ST8SIA2: variants seen among roughly 807,000 people sequenced by gnomAD.
ST8SIA2 encodes ST8 alpha-N-acetyl-neuraminide alpha-2,8-sialyltransferase 2.
Under a neutral mutation model 37.6 loss-of-function variants are expected in ST8SIA2, and 22 were observed. The observed-to-expected ratio is 0.58, with a 90% confidence interval of 0.42 to 0.83. ST8SIA2 has a LOEUF of 0.83. Among genes scored for constraint, ST8SIA2 ranks in the 40% least tolerant of loss-of-function variants. The pLI is 0.00. For synonymous variants in ST8SIA2, 205 were observed against 201.2 expected, an observed-to-expected ratio of 1.02 and a Z score of -0.16; for missense variants, 382 against 484.7, an observed-to-expected ratio of 0.79 and a Z score of 1.99.
intron 1 of ST8SIA2, among the ~76,000 whole-genome samples, chr15:92,406,404 C>T (rs1258211710): frequency 1.3e-5 from 2 of 152,192 alleles, no homozygotes; most frequent in South Asian, 2.1e-4. Flanking sequence ...CCTTGTCACT[C>T]GGTGTGGTCC....
At chr15:92,425,975 A>G (rs2049672790) in intron 1 of ST8SIA2, among the ~76,000 whole-genome samples, 1 of 152,184 alleles carries the variant, frequency 6.6e-6, no homozygotes, top group Admixed American at 6.5e-5. Flanking sequence ...AGCGTCAGAA[A>G]AGCCCCAGAT....
intron 1 of ST8SIA2, among the ~76,000 whole-genome samples, chr15:92,417,303 G>A (rs1313789076): frequency 6.6e-6 from 1 of 152,220 alleles, no homozygotes; most frequent in African/African-American, 2.4e-5. Context: ...AGAGGAAGTG[G>A]CCGTTGCCTT....
chr15:92,405,444 C>A (rs974776423), intron 1 of ST8SIA2, among the ~76,000 whole-genome samples: 1 of 152,196 alleles, frequency 6.6e-6, no homozygotes, highest in Non-Finnish European at 1.5e-5. Context: ...TGCTACTGAA[C>A]CGAACACTTA....
chr15:92,402,725 C>T lies in ST8SIA2; in HGVS notation c.98+8563C>T, dbSNP rs183607546. Among the ~76,000 whole-genome samples, 800 of 152,236 alleles carry T rather than the reference C, an allele frequency of 5.3e-3. 10 individuals carry two copies. The highest frequency in any genetic ancestry group is 0.018 in the African/African-American group (743 of 41,528). ...TCCAAAACACCTTAATGCGGAATGACGGCCAGGGGCACACCGCTCTGCCTC... is the reference window on the plus strand; with the variant it reads ...TCCAAAACACCTTAATGCGGAATGATGGCCAGGGGCACACCGCTCTGCCTC... On this transcript the variant is annotated intron_variant, in intron 1 of 5. Coordinates refer to ENST00000268164, the MANE Select transcript of ST8SIA2 (RefSeq NM_006011.4).
chr15:92,424,963 GA>G (rs1661521206), intron 1 of ST8SIA2, among the ~76,000 whole-genome samples: 1 of 152,166 alleles, frequency 6.6e-6, no homozygotes. Context: ...GGGTCAAATG[GA>G]CAGTTGTTAT....
intron 1 of ST8SIA2, 145 bp downstream of exon 1, chr15:92,394,307 G>A (rs2049413252): frequency 3.8e-6 from 3 of 793,544 alleles, no homozygotes; most frequent in East Asian, 5.8e-5. Flanking sequence ...GCAGAAGGTG[G>A]CGGCGACAGG....
At position 92,444,883 on chromosome 15, in the gene ST8SIA2, G is replaced by A. The variant is rs375868680; in HGVS notation, c.796G>A (p.Val266Met). 5 of 1,613,428 alleles carry A rather than the reference G, an allele frequency of 3.1e-6. No individual in the cohort carries two copies. The highest frequency in any genetic ancestry group is 4.2e-6 in the Non-Finnish European group (5 of 1,180,040). ...GCTTATCCTGAAGCACCACGTCAAC[G>A]TGCGCACTGCATACCCCTCGCTGCG... Reference protein sequence around the residue: ...NELILKHHVNVRTAYPSLRLL... With the variant: ...NELILKHHVNMRTAYPSLRLL... The change falls in exon 5 of 6, where the codon GTG becomes ATG. Residue 266 changes from valine (V) to methionine (M), a missense_variant. Transcript: ENST00000268164.
intron 4 of ST8SIA2, among the ~76,000 whole-genome samples, chr15:92,442,558 C>A (rs771533270): frequency 1.3e-5 from 2 of 152,148 alleles, no homozygotes; most frequent in Non-Finnish European, 2.9e-5. Context: ...CTCTCAGGAC[C>A]CAGAGCTTGG....
At chr15:92,394,321 C>T (rs2049413350) in intron 1 of ST8SIA2, among the ~76,000 whole-genome samples, 159 bp downstream of exon 1, 1 of 152,136 alleles carries the variant, frequency 6.6e-6, no homozygotes, top group Admixed American at 6.5e-5. Context: ...CGACAGGGGC[C>T]CGGGACGGTT....
rs1166599618 is a variant in ST8SIA2, at chr15:92,430,066, G to A, written c.116G>A (p.Gly39Asp). The A allele has an allele frequency of 2.5e-6, 4 of 1,614,178 alleles. No individual in the cohort carries two copies. The highest frequency in any genetic ancestry group is 1.3e-5 in the African/African-American group (1 of 75,068). ...TCTTGCAGGAATTCGGGAGGCAGAG[G>A]TACAATCAGATCAGCTGTGAACAGC... ...EEEIGNSGGR[G>D]TIRSAVNSLH... Residue 39 changes from glycine (G) to aspartate (D), a missense_variant, in exon 2 of 6, where the codon GGT (glycine) becomes GAT (aspartate). Physicochemically the swap from Gly to Asp is moderately conservative, Grantham distance 94. Coordinates refer to ENST00000268164, the MANE Select transcript of ST8SIA2 (RefSeq NM_006011.4).
chr15:92,457,168 A>G (rs1033630250), intron 5 of ST8SIA2, among the ~76,000 whole-genome samples: 6 of 152,240 alleles, frequency 3.9e-5, no homozygotes, highest in Admixed American at 3.9e-4. Flanking sequence ...CTGATCGTTC[A>G]CAAAGCATCA....
intron 1 of ST8SIA2, among the ~76,000 whole-genome samples, chr15:92,426,668 G>A (rs1039430750): frequency 6.6e-6 from 1 of 152,246 alleles, no homozygotes; most frequent in Non-Finnish European, 1.5e-5. Flanking sequence ...ATTGGGCAAA[G>A]TGTACAAAGT....
chr15:92,445,736 A>G (rs2049837615), intron 5 of ST8SIA2, among the ~76,000 whole-genome samples: 1 of 152,228 alleles, frequency 6.6e-6, no homozygotes, highest in Non-Finnish European at 1.5e-5. Flanking sequence ...TAATTCCAGG[A>G]AAGAGATTCC....
chr15:92,456,613 G>T (rs1291810262), intron 5 of ST8SIA2, among the ~76,000 whole-genome samples: 1 of 152,182 alleles, frequency 6.6e-6, no homozygotes, highest in African/African-American at 2.4e-5. Flanking sequence ...GCAGGAAGTG[G>T]CTTCAAAGCC....
chr15:92,435,525 A>T (rs2049750352), intron 3 of ST8SIA2, among the ~76,000 whole-genome samples: 1 of 152,150 alleles, frequency 6.6e-6, no homozygotes, highest in African/African-American at 2.4e-5. Context: ...AGAGGAGAGC[A>T]GCCATCAGCA....
At chr15:92,444,406 T>A (rs1445764962) in intron 4 of ST8SIA2, among the ~76,000 whole-genome samples, 6 of 152,152 alleles carry the variant, frequency 3.9e-5, no homozygotes, top group Non-Finnish European at 1.5e-5. Flanking sequence ...GGCATTTACA[T>A]CCACAGGGTC....
chr15:92,415,197 A>G (rs562787752), intron 1 of ST8SIA2, among the ~76,000 whole-genome samples: 2 of 151,922 alleles, frequency 1.3e-5, no homozygotes, highest in African/African-American at 4.8e-5. Flanking sequence ...TCCTTCTCCT[A>G]AGCTTTTGTT....
At chr15:92,394,516 G>A (rs1379628186) in intron 1 of ST8SIA2, among the ~76,000 whole-genome samples, 1 of 152,170 alleles carries the variant, frequency 6.6e-6, no homozygotes, top group Non-Finnish European at 1.5e-5. Context: ...GGGCGGAGGG[G>A]CCGAGAGTGG....
intron 2 of ST8SIA2, 111 bp downstream of exon 2, chr15:92,430,222 G>A (rs375622879): frequency 6.6e-5 from 73 of 1,114,260 alleles, no homozygotes; most frequent in East Asian, 5.1e-4. Flanking sequence ...GATCTGTTTC[G>A]TTTCACTTTG....
Sources: gnomAD v4.1 joint callset for allele counts (sites outside exome capture counted in the v4.1 genomes callset) on GRCh38, gnomAD v4.1.1 for gene constraint, MANE v1.5 for transcripts, NCBI Gene and HGNC (gene_info 2026-07-23, HGNC 2026-07-21) for gene names.